The following LAMC1 variants were observed in gnomAD, a reference collection of about 807,000 sequenced individuals.
LAMC1 encodes the protein laminin subunit gamma-1.
In LAMC1, 38 loss-of-function variants were observed where a neutral mutation model predicts 173.6. The observed-to-expected ratio is 0.22, with a 90% confidence interval of 0.17 to 0.29. The LOEUF is 0.29. Among genes scored for constraint, LAMC1 ranks in the 10% least tolerant of loss-of-function variants. The pLI is 1.00. For missense variants in LAMC1, 1,824 were observed against 2,051.8 expected (o/e 0.89, Z 2.14); for synonymous variants, 746 against 749.1 (o/e 1.00, Z 0.07).
chr1:183,145,463 T>C lies in LAMC1; in HGVS notation c.*2673T>C, dbSNP rs928492817. The C allele has an allele frequency of 3.9e-5, 6 of 152,594 alleles. No individual in the cohort carries two copies. Among genetic ancestry groups the C allele is most frequent in the African/African-American group, 1.4e-4 (6 of 41,428 alleles). 9.5% of individuals were successfully genotyped at this position (152,594 alleles called of 1,614,324 possible). A position where few individuals can be genotyped will look rare whatever the true frequency, so the allele number is the denominator to read the frequency against. ...GGACCTTTTATATGTGCCTTCACTT[T>C]AGCTGTTTGCCTTAATCTCTACAGC... On this transcript the variant is annotated 3_prime_UTR_variant, in exon 28 of 28. Transcript: ENST00000258341.
At chr1:183,068,134 A>C (rs1654922872) in intron 1 of LAMC1, among the ~76,000 whole-genome samples, 1 of 152,186 alleles carries the variant, frequency 6.6e-6, no homozygotes, top group East Asian at 1.9e-4. Flanking sequence ...GTTTCTTAGT[A>C]CCAAATTGAA....
At chr1:183,056,468 C>T (rs1654599370) in intron 1 of LAMC1, among the ~76,000 whole-genome samples, 1 of 152,162 alleles carries the variant, frequency 6.6e-6, no homozygotes, top group Admixed American at 6.5e-5. Flanking sequence ...AGTCACGTCC[C>T]ACTGTCTTTC....
chr1:183,086,133 A>G (rs565915723), intron 1 of LAMC1, among the ~76,000 whole-genome samples: 1 of 152,376 alleles, frequency 6.6e-6, no homozygotes, highest in South Asian at 2.1e-4. Context: ...ACTATATAGT[A>G]GACTTGAAAT....
intron 1 of LAMC1, among the ~76,000 whole-genome samples, chr1:183,093,912 TTC>T (rs1282666479): frequency 6.6e-6 from 1 of 152,218 alleles, no homozygotes; most frequent in Non-Finnish European, 1.5e-5. Flanking sequence ...ATCTTCTTGT[TTC>T]TCTGTCATCC....
chr1:183,049,589 G>A (rs1301322890), intron 1 of LAMC1, among the ~76,000 whole-genome samples: 5 of 151,464 alleles, frequency 3.3e-5, no homozygotes, highest in Non-Finnish European at 5.9e-5. Context: ...TCAGCCTCCC[G>A]TGTAGCTGGG....
intron 5 of LAMC1, 46 bp from the exon 6 acceptor site, chr1:183,115,474 G>T: frequency 7.9e-7 from 1 of 1,260,906 alleles, no homozygotes; most frequent in Non-Finnish European, 1.2e-6. Context: ...TTTTACTTAC[G>T]TATCTGGCCG....
chr1:183,088,582 C>G (rs1416929164), intron 1 of LAMC1, among the ~76,000 whole-genome samples: 1 of 152,166 alleles, frequency 6.6e-6, no homozygotes, highest in Non-Finnish European at 1.5e-5. Flanking sequence ...TTGAAAAGCA[C>G]TATTATAGAG....
chr1:183,119,910 C>T (rs77328661), intron 11 of LAMC1, among the ~76,000 whole-genome samples: 181 of 152,112 alleles, frequency 1.2e-3, no homozygotes, highest in African/African-American at 4.3e-3. Context: ...GTAACTCATG[C>T]CTGTAATTCC....
rs1471422694 is a variant in LAMC1, at chr1:183,144,559, CCT to C, written c.*1772_*1773del. ...GCCACTGTAAAGAGGTAACTTGGGT[CCT>C]CTTCCATTGCAGTCCTGATGATCCT... is the stretch of plus-strand genomic sequence containing the variant. On this transcript the variant is annotated 3_prime_UTR_variant, in exon 28 of 28. Transcript: ENST00000258341. 6.6e-6 allele frequency: 1 copy of C among 152,146 alleles called. No homozygotes were observed. The highest frequency in any genetic ancestry group is 1.5e-5 in the Non-Finnish European group (1 of 68,036). The allele number at this position is 152,146 out of a possible 1,614,324, so 9.4% of individuals were successfully genotyped here. A position where few individuals can be genotyped will look rare whatever the true frequency, so the allele number is the denominator to read the frequency against.
In LAMC1 at chr1:183,117,696, G is replaced by A. The variant is rs1200530127; in HGVS notation, c.1850G>A (p.Ser617Asn). 1.9e-6 allele frequency: 3 copies of A among 1,614,170 alleles called. No homozygotes were observed. In the South Asian group the frequency reaches 3.3e-5, roughly 18 times the overall value. Residue 617 changes from serine to asparagine, a missense_variant, in exon 10 of 28, where the codon AGT becomes AAT. Physicochemically the swap from Ser to Asn is conservative, Grantham distance 46 (BLOSUM62 1). Coordinates refer to ENST00000258341, the MANE Select transcript of LAMC1 (RefSeq NM_002293.4). ...PLIAQGNSYP[S>N]ETTVKYVFRL... ...ATCGCTCAGGGCAATTCCTATCCAAGTGAGACCACTGTGAAGTATGTCTTC... is the reference window on the plus strand; with the variant it reads ...ATCGCTCAGGGCAATTCCTATCCAAATGAGACCACTGTGAAGTATGTCTTC...
chr1:183,103,206 C>G (rs1655878122), intron 1 of LAMC1, 122 bp from the exon 2 acceptor site: 2 of 910,330 alleles, frequency 2.2e-6, no homozygotes, highest in Non-Finnish European at 3.3e-6. Flanking sequence ...AGCCTGTCTT[C>G]TTGGTTTGAT....
chr1:183,052,109 A>G (rs1283713021), intron 1 of LAMC1, among the ~76,000 whole-genome samples: 2 of 152,180 alleles, frequency 1.3e-5, no homozygotes, highest in East Asian at 1.9e-4. Context: ...TTGCAACTCA[A>G]GGTGCTCTGC....
intron 1 of LAMC1, among the ~76,000 whole-genome samples, chr1:183,058,988 AC>A (rs1654673499): frequency 6.6e-6 from 1 of 152,190 alleles, no homozygotes; most frequent in African/African-American, 2.4e-5. Context: ...TTGGGAAAAA[AC>A]GTCTCACAGA....
chr1:183,116,956 A>G, intron 8 of LAMC1, 53 bp downstream of exon 8: 1 of 1,528,068 alleles, frequency 6.5e-7, no homozygotes, highest in Non-Finnish European at 8.9e-7. Flanking sequence ...TACACTTAAA[A>G]TATTTTTAAA....
chr1:183,120,590 G>T (rs1401587993), intron 11 of LAMC1, among the ~76,000 whole-genome samples: 1 of 152,116 alleles, frequency 6.6e-6, no homozygotes, highest in Non-Finnish European at 1.5e-5. Context: ...ACACTAGAGT[G>T]GAATGGAGAT....
chr1:183,054,818 A>G (rs1449751071), intron 1 of LAMC1, among the ~76,000 whole-genome samples: 1 of 152,114 alleles, frequency 6.6e-6, no homozygotes, highest in Non-Finnish European at 1.5e-5. Flanking sequence ...GACCACAGCC[A>G]CCTTAGAGCC....
chr1:183,047,299 G>A (rs1654290199), intron 1 of LAMC1, among the ~76,000 whole-genome samples: 1 of 152,132 alleles, frequency 6.6e-6, no homozygotes, highest in South Asian at 2.1e-4. Context: ...ACTCAAGGAA[G>A]CATTGATAGA....
intron 27 of LAMC1, 68 bp downstream of exon 27, chr1:183,140,571 G>A (rs1416738049): frequency 2.2e-6 from 2 of 920,856 alleles, no homozygotes; most frequent in Non-Finnish European, 3.3e-6. Flanking sequence ...ATCTGATATA[G>A]TACAGTTGAC....
intron 1 of LAMC1, among the ~76,000 whole-genome samples, chr1:183,053,512 A>C (rs377396700): frequency 1.5e-4 from 23 of 152,224 alleles, no homozygotes; most frequent in African/African-American, 5.3e-4. Context: ...TCTGAGTCTC[A>C]TCAGCTCTCC....
Sources: allele counts gnomAD v4.1 joint callset (sites outside exome capture counted in the v4.1 genomes callset), GRCh38; gene constraint gnomAD v4.1.1; transcripts MANE v1.5; gene names NCBI Gene and HGNC (gene_info 2026-07-23, HGNC 2026-07-21).